The following CNTNAP2 variants were observed in gnomAD, a reference collection of about 807,000 sequenced individuals.
CNTNAP2 encodes contactin-associated protein-like 2.
A neutral mutation model predicts 155.2 loss-of-function variants in CNTNAP2; 98 were observed. The observed-to-expected ratio is 0.63, with a 90% CI of 0.54 to 0.75. The LOEUF is 0.75. CNTNAP2 is among the 30% of genes least tolerant of loss of function. CNTNAP2 has a pLI of 0.00. For synonymous variants in CNTNAP2, 651 were observed against 631.2 expected (o/e 1.03, Z -0.47); for missense variants, 1,727 against 1,688.1 (o/e 1.02, Z -0.40).
chr7:148,020,034 GC>G (rs1802253743), intron 15 of CNTNAP2, among the ~76,000 whole-genome samples: 2 of 152,164 alleles, frequency 1.3e-5, no homozygotes, highest in African/African-American at 4.8e-5. Flanking sequence ...TGGTCCATCA[GC>G]CTTGGCCTTC....
intron 8 of CNTNAP2, among the ~76,000 whole-genome samples, chr7:147,296,187 T>C (rs1805439768): frequency 6.6e-6 from 1 of 152,178 alleles, no homozygotes; most frequent in South Asian, 2.1e-4. Context: ...GTTGATATCT[T>C]TGAGATCCAT....
intron 3 of CNTNAP2, among the ~76,000 whole-genome samples, chr7:146,898,511 A>T (rs10269599): frequency 0.039 from 5,961 of 151,986 alleles, 133 homozygotes; most frequent in South Asian, 0.081. Context: ...ATAATAATAA[A>T]AAAAAAAACT....
intron 13 of CNTNAP2, among the ~76,000 whole-genome samples, chr7:147,777,686 C>A (rs1352785309): frequency 6.6e-6 from 1 of 152,170 alleles, no homozygotes; most frequent in Non-Finnish European, 1.5e-5. Context: ...TATATTTTCC[C>A]TTACATTTAA....
chr7:146,883,472 A>G (rs1168604382), intron 3 of CNTNAP2, among the ~76,000 whole-genome samples: 2 of 152,174 alleles, frequency 1.3e-5, no homozygotes, highest in Admixed American at 6.6e-5. Context: ...GTGCACATGC[A>G]TATTTAAAAG....
rs146486890 is a variant in CNTNAP2 at position 146,622,511 on chromosome 7, C to A, written c.98-151760C>A. On this transcript the variant is annotated intron_variant, in intron 1 of 23. Coordinates refer to ENST00000361727, the MANE Select transcript of CNTNAP2 (RefSeq NM_014141.6). Reference sequence around the variant, plus strand: ...AATTTCTATATCTGTGTCTTCATATCTGTTTGTATGTATATTCATCTGTAT... The same window carrying A: ...AATTTCTATATCTGTGTCTTCATATATGTTTGTATGTATATTCATCTGTAT... Among the ~76,000 whole-genome samples the A allele has an allele frequency of 1.1e-4, 16 of 152,092 alleles. No individual in the cohort carries two copies. In the East Asian group the frequency reaches 2.9e-3, roughly 28 times the overall value.
chr7:147,939,328 A>AT lies in CNTNAP2; in HGVS notation c.2255+35618dup, dbSNP rs56165051. On this transcript the variant is annotated intron_variant, in intron 14 of 23. Transcript: ENST00000361727. ...ACCCATTAGTGACTATTCATGTAGGATTTTTTTTTTTAATTTTATTTTTTT... is the reference window on the plus strand; with the variant it reads ...ACCCATTAGTGACTATTCATGTAGGATTTTTTTTTTTTAATTTTATTTTTTT... Among the ~76,000 whole-genome samples the AT allele has an allele frequency of 6.4e-3, 952 of 149,204 alleles. 3 individuals carry two copies. Among genetic ancestry groups the AT allele is most frequent in the African/African-American group, 0.018 (752 of 40,658 alleles).
chr7:147,593,530 G>C (rs1307954044), intron 12 of CNTNAP2, among the ~76,000 whole-genome samples: 1 of 151,688 alleles, frequency 6.6e-6, no homozygotes, highest in Non-Finnish European at 1.5e-5. Flanking sequence ...TTTAACCTTG[G>C]GTAGATTATT....
chr7:146,602,199 T>C (rs2129151966), intron 1 of CNTNAP2, among the ~76,000 whole-genome samples: 1 of 152,270 alleles, frequency 6.6e-6, no homozygotes, highest in Non-Finnish European at 1.5e-5. Context: ...ACCCTTAAGA[T>C]TATATGCGGC....
At chr7:146,672,281 T>C (rs908269072) in intron 1 of CNTNAP2, among the ~76,000 whole-genome samples, 1 of 152,234 alleles carries the variant, frequency 6.6e-6, no homozygotes, top group African/African-American at 2.4e-5. Flanking sequence ...TTTTCTCTTA[T>C]TCTTACACAC....
intron 1 of CNTNAP2, among the ~76,000 whole-genome samples, chr7:146,494,368 A>C (rs932037128): frequency 2.6e-5 from 4 of 151,644 alleles, no homozygotes; most frequent in Non-Finnish European, 5.9e-5. Context: ...TAAATAAATA[A>C]ATAAAAATAA....
intron 1 of CNTNAP2, among the ~76,000 whole-genome samples, chr7:146,146,854 A>G (rs535248723): frequency 4.6e-5 from 7 of 152,270 alleles, no homozygotes; most frequent in South Asian, 4.1e-4. Context: ...TTCTTTTTTC[A>G]GAAAACAACA....
intron 15 of CNTNAP2, among the ~76,000 whole-genome samples, chr7:148,007,374 A>G (rs1305154625): frequency 6.6e-6 from 1 of 152,200 alleles, no homozygotes; most frequent in Non-Finnish European, 1.5e-5. Context: ...GAAGTAAGCT[A>G]TTCTCCACTG....
At chr7:148,247,482 C>T (rs947729439) in intron 20 of CNTNAP2, among the ~76,000 whole-genome samples, 4 of 151,944 alleles carry the variant, frequency 2.6e-5, no homozygotes, top group Admixed American at 1.3e-4. Context: ...ATTTCTCTTA[C>T]TTTAAAACAA....
intron 1 of CNTNAP2, among the ~76,000 whole-genome samples, chr7:146,533,135 A>AAAAAG (rs1797795874): frequency 7.2e-6 from 1 of 139,376 alleles, no homozygotes; most frequent in Non-Finnish European, 1.5e-5. Context: ...AAAAAAAAAA[A>AAAAAG]GCTGAATCAT....
chr7:146,584,253 A>G (rs1356770444), intron 1 of CNTNAP2, among the ~76,000 whole-genome samples: 1 of 152,194 alleles, frequency 6.6e-6, no homozygotes, highest in African/African-American at 2.4e-5. Flanking sequence ...TGTTACACTG[A>G]TACTACCATA....
rs187137376 is a variant in CNTNAP2 at position 148,360,734 on chromosome 7, G to A, written c.3476-22915G>A. Among the ~76,000 whole-genome samples, 619 of 152,132 alleles carry A rather than the reference G, an allele frequency of 4.1e-3. 4 individuals are homozygous for A. The highest frequency in any genetic ancestry group is 0.014 in the African/African-American group (599 of 41,518). ...AAATTATTTTTATTAATTTGTAAAG[G>A]GCTAAAATATTTATGGACTAAATTC... On this transcript the variant is annotated intron_variant, in intron 21 of 23. Coordinates refer to ENST00000361727, the MANE Select transcript of CNTNAP2 (RefSeq NM_014141.6).
intron 1 of CNTNAP2, among the ~76,000 whole-genome samples, chr7:146,434,266 A>C (rs888673707): frequency 1.3e-5 from 2 of 152,180 alleles, no homozygotes. Flanking sequence ...GTGACATAAA[A>C]AGAAGAGCCA....
intron 1 of CNTNAP2, among the ~76,000 whole-genome samples, chr7:146,619,442 T>G (rs1430671633): frequency 2.6e-5 from 4 of 152,160 alleles, no homozygotes; most frequent in African/African-American, 7.2e-5. Flanking sequence ...TATATGAGTT[T>G]TGTGTTCCTT....
At chr7:148,153,061 C>T (rs1585154759) in intron 17 of CNTNAP2, among the ~76,000 whole-genome samples, 1 of 121,408 alleles carries the variant, frequency 8.2e-6, no homozygotes, top group Middle Eastern at 5.1e-3. Context: ...AAACTCTAAA[C>T]CAAATACCTC....
Sources: allele counts gnomAD v4.1 joint callset (sites outside exome capture counted in the v4.1 genomes callset), GRCh38; gene constraint gnomAD v4.1.1; transcripts MANE v1.5; gene names NCBI Gene and HGNC (gene_info 2026-07-23, HGNC 2026-07-21).